The following TRIL variants were observed in gnomAD, a reference collection of about 807,000 sequenced individuals.
TRIL encodes the protein TLR4 interactor with leucine rich repeats.
A neutral mutation model predicts 43.0 loss-of-function variants in TRIL; 23 were observed. The ratio of observed to expected loss-of-function variants is 0.54; its 90% CI spans 0.39 to 0.76. The LOEUF (loss-of-function observed/expected upper bound fraction) is 0.76. Ranked by LOEUF, TRIL falls within the 30% of genes least tolerant of loss-of-function variation. TRIL has a pLI of 0.00. For missense variants in TRIL, 1,114 were observed against 1,139.3 expected (o/e 0.98, Z 0.32); for synonymous variants, 602 against 556.8 (o/e 1.08, Z -1.14).
chr7:28,956,377 GT>G lies in TRIL; in HGVS notation c.1669del (p.Thr557ArgfsTer34). On this transcript the variant is annotated frameshift_variant, in exon 1 of 1. Transcript: ENST00000539664. LOFTEE classifies it high-confidence loss of function. ...WQRATKHRLG[T>X]EHQERAAQSD... is the part of the protein sequence containing the mutation. Reference sequence around the variant, plus strand: ...CTGGGCGGCACGCTCCTGGTGCTCCGTGCCCAGACGATGCTTCGTCGCGCGC... The same window carrying G: ...CTGGGCGGCACGCTCCTGGTGCTCCGGCCCAGACGATGCTTCGTCGCGCGC... 1 of 1,534,640 alleles carries G rather than the reference GT, an allele frequency of 6.5e-7. No homozygotes were observed. The highest frequency in any genetic ancestry group is 1.2e-5 in the South Asian group (1 of 83,712).
chr7:28,956,765 T>TGCGGTCA lies in TRIL; in HGVS notation c.1275_1281dup (p.Arg428Ter). On this transcript the variant is annotated stop_gained and frameshift_variant, in exon 1 of 1. Coordinates refer to ENST00000539664, the MANE Select transcript of TRIL (RefSeq NM_014817.4). LOFTEE classifies it high-confidence loss of function. The stretch of plus-strand genomic sequence containing the variant: ...GCGGCCGTGGGTAGGGGCTGCCGCC[T>TGCGGTCA]GCGGTCAGCGGTCAGGGAAGCTGAG... 2 of 1,608,680 alleles carry TGCGGTCA rather than the reference T, an allele frequency of 1.2e-6. No individual in the cohort carries two copies. Among genetic ancestry groups the TGCGGTCA allele is most frequent in the Non-Finnish European group, 8.5e-7 (1 of 1,179,294 alleles).
rs1562704032 is a variant in TRIL, at chr7:28,957,989, G to A, written c.58C>T (p.Pro20Ser). 1 of 1,599,240 alleles carries A rather than the reference G, an allele frequency of 6.3e-7. No individual in the cohort carries two copies. Among genetic ancestry groups the A allele is most frequent in the South Asian group, 1.1e-5 (1 of 90,790 alleles). Reference protein sequence around the residue: ...LLVVCGCLALPPLAEPVCPER... With the variant: ...LLVVCGCLALSPLAEPVCPER... ...GGGCACACGGGCTCGGCCAGCGGCG[G>A]GAGCGCGAGGCAGCCGCACACCACG... The change falls in exon 1 of 1, where the codon CCG becomes TCG. Residue 20 changes from proline (P) to serine (S), a missense_variant. Coordinates refer to ENST00000539664, the MANE Select transcript of TRIL (RefSeq NM_014817.4).
rs740251 is a variant in TRIL at position 28,958,075 on chromosome 7, A to T, written c.-29T>A. On this transcript the variant is annotated 5_prime_UTR_variant, in exon 1 of 1. Coordinates refer to ENST00000539664, the MANE Select transcript of TRIL (RefSeq NM_014817.4). ...CTCCCGCCCTGCGTGCAGCGGCCGG[A>T]TCGTCCTCTTGGCCCGCCGGCTCTG... is the stretch of plus-strand genomic sequence containing the variant. The T allele has an allele frequency of 0.039, 56,989 of 1,473,804 alleles. 1,632 individuals carry two copies. The highest frequency in any genetic ancestry group is 0.12 in the East Asian group (4,940 of 40,138). 91.3% of individuals were successfully genotyped at this position (1,473,804 alleles called of 1,614,324 possible).
At position 28,955,423 on chromosome 7, in the gene TRIL, G is replaced by C. The variant is rs146371883; in HGVS notation, c.*188C>G. 27 of 901,708 alleles carry C rather than the reference G, an allele frequency of 3.0e-5. No homozygotes were observed. The highest frequency in any genetic ancestry group is 4.3e-5 in the Non-Finnish European group (27 of 626,868). 55.9% of individuals were successfully genotyped at this position (901,708 alleles called of 1,614,324 possible). On this transcript the variant is annotated 3_prime_UTR_variant, in exon 1 of 1. Coordinates refer to ENST00000539664, the MANE Select transcript of TRIL (RefSeq NM_014817.4). ...TCCATTTGTCCCCTACTCTGGCTCT[G>C]ACCACCAAGTACCATCCATTTACTT...
chr7:28,954,808 A>T lies in TRIL; in HGVS notation c.*803T>A, dbSNP rs548163372. On this transcript the variant is annotated 3_prime_UTR_variant, in exon 1 of 1. Coordinates refer to ENST00000539664, the MANE Select transcript of TRIL (RefSeq NM_014817.4). ...TATATAGGTTTAAAAAAATAAAATT[A>T]AAAAAGCCACAGGAGCAACCCTGAC... 6 of 152,320 alleles carry T rather than the reference A, an allele frequency of 3.9e-5. No homozygotes were observed. Among genetic ancestry groups the T allele is most frequent in the African/African-American group, 1.4e-4 (6 of 41,560 alleles). 9.4% of individuals were successfully genotyped at this position (152,320 alleles called of 1,614,324 possible). A position where few individuals can be genotyped will look rare whatever the true frequency, so the allele number is the denominator to read the frequency against.
In TRIL at chr7:28,955,993, G is replaced by A; in HGVS notation, c.2054C>T (p.Pro685Leu). 2.6e-6 allele frequency: 4 copies of A among 1,552,258 alleles called. No homozygotes were observed. The highest frequency in any genetic ancestry group is 3.5e-6 in the Non-Finnish European group (4 of 1,153,910). The change falls in exon 1 of 1, where the codon CCG becomes CTG. Residue 685 changes from proline (P) to leucine (L), a missense_variant. Transcript: ENST00000539664. ...GACGCCGCCCCGGCTCCCGGCCTCC[G>A]GTAGGGTGACCAGCCCCGCGCAGTG... ...RDHCAGLVTL[P>L]EAGSRGGVDY... is the part of the protein sequence containing the mutation.
In TRIL at chr7:28,955,982, T is replaced by G. The variant is rs1380432702; in HGVS notation, c.2065A>C (p.Ser689Arg). 1 of 1,551,468 alleles carries G rather than the reference T, an allele frequency of 6.4e-7. No individual in the cohort carries two copies. The highest frequency in any genetic ancestry group is 1.4e-5 in the African/African-American group (1 of 73,586). Reference sequence around the variant, plus strand: ...AGCTGGTAGTCGACGCCGCCCCGGCTCCCGGCCTCCGGTAGGGTGACCAGC... The same window carrying G: ...AGCTGGTAGTCGACGCCGCCCCGGCGCCCGGCCTCCGGTAGGGTGACCAGC... The part of the protein sequence containing the change: ...AGLVTLPEAG[S>R]RGGVDYQLLT... Residue 689 changes from serine to arginine, a missense_variant, in exon 1 of 1, where the codon AGC becomes CGC. Ser to Arg is a moderately radical substitution (Grantham distance 110). Transcript: ENST00000539664.
At position 28,958,153 on chromosome 7, in the gene TRIL, C is replaced by T. The variant is rs975922741; in HGVS notation, c.-107G>A. The T allele has an allele frequency of 2.2e-6, 3 of 1,386,632 alleles. No homozygotes were observed. Among genetic ancestry groups the T allele is most frequent in the African/African-American group, 1.5e-5 (1 of 66,088 alleles). 85.9% of individuals were successfully genotyped at this position (1,386,632 alleles called of 1,614,324 possible). A position where few individuals can be genotyped will look rare whatever the true frequency, so the allele number is the denominator to read the frequency against. ...GCCAGAGTCGCTAAATGGCCTCTTT[C>T]GGACTTCGCAGCGCCGTCCAGCCCC... On this transcript the variant is annotated 5_prime_UTR_variant, in exon 1 of 1. Transcript: ENST00000539664.
In TRIL at chr7:28,957,824, T is replaced by A; in HGVS notation, c.223A>T (p.Thr75Ser). ...CCCAGACGGTGGAAGTCGAAGGCCG[T>A]GATGTTGGTTATGAAGTTGCCGCCG... ...SLGGNFITNI[T>S]AFDFHRLGQL... Residue 75 changes from threonine to serine, a missense_variant, in exon 1 of 1, where the codon ACG becomes TCG. Coordinates refer to ENST00000539664, the MANE Select transcript of TRIL (RefSeq NM_014817.4). 6.2e-7 allele frequency: 1 copy of A among 1,613,578 alleles called. No homozygotes were observed. Among genetic ancestry groups the A allele is most frequent in the Non-Finnish European group, 8.5e-7 (1 of 1,179,684 alleles).
rs1562703280 is a variant in TRIL, at chr7:28,956,865, C to A, written c.1182G>T (p.Pro394=). 1 of 1,607,526 alleles carries A rather than the reference C, an allele frequency of 6.2e-7. No individual in the cohort carries two copies. The highest frequency in any genetic ancestry group is 8.5e-7 in the Non-Finnish European group (1 of 1,176,004). Residue 394 remains proline, a synonymous_variant, in exon 1 of 1, where the codon CCG becomes CCT. Transcript: ENST00000539664. ...AATCCAGGTATTTGCCTCGCAGGGC[C>A]GGGGGGTGGCGACACTGCACGAAGA... ...LTVFVQCRHP[P]ALRGKYLDYL...
In TRIL at chr7:28,957,316, A is replaced by G; in HGVS notation, c.731T>C (p.Leu244Pro). The G allele has an allele frequency of 6.2e-7, 1 of 1,612,060 alleles. No individual in the cohort carries two copies. Residue 244 changes from leucine (L) to proline (P), a missense_variant, in exon 1 of 1, where the codon CTC becomes CCC. By Grantham distance (98) the Leu-to-Pro change is moderately conservative (BLOSUM62 -3). Transcript: ENST00000539664. The part of the protein sequence containing the change: ...LILSANNLQH[L>P]GPRIFQHLPR... The stretch of plus-strand genomic sequence containing the variant: ...CAGGTGCTGGAAGATGCGCGGCCCG[A>G]GGTGCTGCAGGTTGTTGGCCGAGAG...
In TRIL at chr7:28,954,226, T is replaced by C. The variant is rs1583883508; in HGVS notation, c.*1385A>G. ...TAGCAGGGAATGAAAGTATCCCAAA[T>C]AGTTGGAAACAACTGAACAAATAAA... On this transcript the variant is annotated 3_prime_UTR_variant, in exon 1 of 1. Coordinates refer to ENST00000539664, the MANE Select transcript of TRIL (RefSeq NM_014817.4). 2 of 152,528 alleles carry C rather than the reference T, an allele frequency of 1.3e-5. No individual in the cohort carries two copies. Among genetic ancestry groups the C allele is most frequent in the African/African-American group, 4.8e-5 (2 of 41,456 alleles). 9.4% of individuals were successfully genotyped at this position (152,528 alleles called of 1,614,324 possible).
In TRIL at chr7:28,957,843, G is replaced by T. The variant is rs779186408; in HGVS notation, c.204C>A (p.Gly68=). Residue 68 remains glycine, a synonymous_variant, in exon 1 of 1, where the codon GGC becomes GGA. Transcript: ENST00000539664. ...AGGCCGTGATGTTGGTTATGAAGTT[G>T]CCGCCGAGGCTGTAGGTGAGCACGT... ...PHDVLTYSLG[G]NFITNITAFD... The T allele has an allele frequency of 8.7e-6, 14 of 1,613,692 alleles. No homozygotes were observed. The highest frequency in any genetic ancestry group is 2.5e-6 in the Non-Finnish European group (3 of 1,179,768).
Position 28,956,142 on chromosome 7 carries a change from G to A in TRIL, c.1905C>T (p.Arg635=), listed in dbSNP as rs1163324297. ...CGCTGCTCTCAGGCAGGTAGACGAA[G>A]CGGTGGAACTTGGGCTGCTGGCCAA... ...DRFGQQPKFH[R]FVYLPESSDS... The change falls in exon 1 of 1, where the codon CGC becomes CGT. Residue 635 remains arginine, a synonymous_variant. Transcript: ENST00000539664. The A allele has an allele frequency of 6.4e-7, 1 of 1,570,116 alleles. No individual in the cohort carries two copies. Among genetic ancestry groups the A allele is most frequent in the Non-Finnish European group, 8.6e-7 (1 of 1,159,482 alleles).
Position 28,957,858 on chromosome 7 carries a change from G to C in TRIL, c.189C>G (p.Thr63=). ...SSLPSPHDVL[T]YSLGGNFITN... is the part of the protein sequence containing the mutation. The stretch of plus-strand genomic sequence containing the variant: ...TTATGAAGTTGCCGCCGAGGCTGTA[G>C]GTGAGCACGTCGTGGGGGCTCGGCA... The change falls in exon 1 of 1, where the codon ACC becomes ACG. Residue 63 remains threonine (T), a synonymous_variant. Coordinates refer to ENST00000539664, the MANE Select transcript of TRIL (RefSeq NM_014817.4). 1 of 1,613,824 alleles carries C rather than the reference G, an allele frequency of 6.2e-7. No individual in the cohort carries two copies. Among genetic ancestry groups the C allele is most frequent in the Non-Finnish European group, 8.5e-7 (1 of 1,179,830 alleles).
chr7:28,957,645 G>A lies in TRIL; in HGVS notation c.402C>T (p.Arg134=). Residue 134 remains arginine (R), a synonymous_variant, in exon 1 of 1, where the codon CGC becomes CGT. Coordinates refer to ENST00000539664, the MANE Select transcript of TRIL (RefSeq NM_014817.4). The part of the protein sequence containing the change: ...PGTLAPLRKL[R]ILYANGNEIS... ...TCTCGTTCCCGTTGGCGTAGAGGAT[G>A]CGCAGCTTGCGCAGCGGGGCCAGCG... The A allele has an allele frequency of 1.2e-6, 2 of 1,609,570 alleles. No homozygotes were observed. The highest frequency in any genetic ancestry group is 2.7e-5 in the African/African-American group (2 of 75,014).
chr7:28,957,855 G>A lies in TRIL; in HGVS notation c.192C>T (p.Tyr64=). 1 of 1,613,838 alleles carries A rather than the reference G, an allele frequency of 6.2e-7. No homozygotes were observed. Among genetic ancestry groups the A allele is most frequent in the South Asian group, 1.1e-5 (1 of 91,086 alleles). Residue 64 remains tyrosine, a synonymous_variant, in exon 1 of 1, where the codon TAC becomes TAT. Transcript: ENST00000539664. Reference sequence around the variant, plus strand: ...TGGTTATGAAGTTGCCGCCGAGGCTGTAGGTGAGCACGTCGTGGGGGCTCG... The same window carrying A: ...TGGTTATGAAGTTGCCGCCGAGGCTATAGGTGAGCACGTCGTGGGGGCTCG... The part of the protein sequence containing the change: ...SLPSPHDVLT[Y]SLGGNFITNI...
At position 28,955,656 on chromosome 7, in the gene TRIL, G is replaced by A. The variant is rs1783385053; in HGVS notation, c.2391C>T (p.Gly797=). The A allele has an allele frequency of 1.3e-6, 2 of 1,546,738 alleles. No individual in the cohort carries two copies. Among genetic ancestry groups the A allele is most frequent in the Admixed American group, 2.0e-5 (1 of 50,952 alleles). ...GGAGACGGTCCTCCCGTCTCAGGCT[G>A]CCGCCCGCGCCGCCGCCCGCACTGT... ...FMDSAGGGAG[G]SLRREDRLLQ... is the part of the protein sequence containing the mutation. The change falls in exon 1 of 1, where the codon GGC becomes GGT. Residue 797 remains glycine, a synonymous_variant. Coordinates refer to ENST00000539664, the MANE Select transcript of TRIL (RefSeq NM_014817.4).
rs1043517515 is a variant in TRIL at position 28,953,547 on chromosome 7, A to G, written c.*2064T>C. ...ACCAGAGGCCTTGTCCATACTTGCA[A>G]TGGGACTCAATATTACCCTGCTGGG... On this transcript the variant is annotated 3_prime_UTR_variant, in exon 1 of 1. Coordinates refer to ENST00000539664, the MANE Select transcript of TRIL (RefSeq NM_014817.4). 2.6e-5 allele frequency: 4 copies of G among 152,396 alleles called. No homozygotes were observed. Among genetic ancestry groups the G allele is most frequent in the Non-Finnish European group, 5.9e-5 (4 of 68,054 alleles). 9.4% of individuals were successfully genotyped at this position (152,396 alleles called of 1,614,324 possible).
Sources: allele counts gnomAD v4.1 joint callset, GRCh38; gene constraint gnomAD v4.1.1; transcripts MANE v1.5; gene names NCBI Gene and HGNC (gene_info 2026-07-23, HGNC 2026-07-21).